The following STARD13 variants were observed in gnomAD, a reference collection of about 807,000 sequenced individuals.
STARD13 encodes the protein StAR related lipid transfer domain containing 13.
STARD13 carries 62 observed loss-of-function variants against 106.4 expected under a neutral mutation model. The observed-to-expected ratio is 0.58, with a 90% CI of 0.48 to 0.72. STARD13 has a LOEUF of 0.72. Ranked by LOEUF, STARD13 falls within the 30% of genes least tolerant of loss-of-function variation. The probability of loss-of-function intolerance (pLI) is 0.00; values close to 1 mark genes in which losing one functional copy is unlikely to be tolerated. For synonymous variants in STARD13, 565 were observed against 553.0 expected, an observed-to-expected ratio of 1.02 and a Z score of -0.31; for missense variants, 1,387 against 1,424.0, an observed-to-expected ratio of 0.97 and a Z score of 0.42.
chr13:33,639,482 G>T, the STARD13 span, among the ~76,000 whole-genome samples: 4 of 152,172 alleles, frequency 2.6e-5, no homozygotes, highest in Admixed American at 2.6e-4. Context: ...AAATAGATAT[G>T]TAAGTCACTG....
intron 1 of STARD13, among the ~76,000 whole-genome samples, chr13:33,216,199 C>A (rs1594118690): frequency 6.6e-6 from 1 of 152,152 alleles, no homozygotes; most frequent in South Asian, 2.1e-4. Flanking sequence ...TTTGACCCAG[C>A]AATCTCACTA....
chr13:33,497,235 C>T, the STARD13 span, among the ~76,000 whole-genome samples: 11 of 152,186 alleles, frequency 7.2e-5, no homozygotes, highest in East Asian at 1.4e-3. Context: ...ATGTTGTTGA[C>T]GTTATGTGCT....
At chr13:33,492,114 T>C in the STARD13 span, among the ~76,000 whole-genome samples, 1 of 152,114 alleles carries the variant, frequency 6.6e-6, no homozygotes, top group East Asian at 1.9e-4. Flanking sequence ...GGAGAAGGAA[T>C]TTCACAAGGT....
Position 33,129,222 on chromosome 13 carries a change from G to A in STARD13, c.1455C>T (p.His485=), listed in dbSNP as rs547046219. Reference sequence around the variant, plus strand: ...TGACATGCTGCAGAATGTCATCCAAGTGAGGGAAAAGGTCATCTTTCTCCA... The same window carrying A: ...TGACATGCTGCAGAATGTCATCCAAATGAGGGAAAAGGTCATCTTTCTCCA... ...LDLEKDDLFP[H]LDDILQHVNG... Residue 485 remains histidine (H), a synonymous_variant, in exon 5 of 14, where the codon CAC becomes CAT. Coordinates refer to ENST00000336934, the MANE Select transcript of STARD13 (RefSeq NM_178006.4). 4 of 1,614,168 alleles carry A rather than the reference G, an allele frequency of 2.5e-6. No individual in the cohort carries two copies. In the South Asian group the frequency reaches 3.3e-5, roughly 13 times the overall value.
intron 4 of STARD13, among the ~76,000 whole-genome samples, chr13:33,131,175 A>G (rs1039992729): frequency 6.6e-6 from 1 of 152,198 alleles, no homozygotes; most frequent in Non-Finnish European, 1.5e-5. Flanking sequence ...GCAGACCTTG[A>G]CCTAGAGCAT....
the STARD13 span, among the ~76,000 whole-genome samples, chr13:33,623,711 A>C: frequency 0.026 from 3,960 of 152,230 alleles, 180 homozygotes; most frequent in African/African-American, 0.09. Context: ...CTACATCTAC[A>C]TATTTAATTT....
intron 1 of STARD13, among the ~76,000 whole-genome samples, chr13:33,187,688 ATTTAT>A (rs2138487126): frequency 6.6e-6 from 1 of 152,126 alleles, no homozygotes; most frequent in Non-Finnish European, 1.5e-5. Context: ...AAATTTATTT[ATTTAT>A]TTTGTTTGTG....
At chr13:33,236,000 A>G (rs1889169910) in intron 1 of STARD13, among the ~76,000 whole-genome samples, 1 of 152,242 alleles carries the variant, frequency 6.6e-6, no homozygotes, top group Non-Finnish European at 1.5e-5. Context: ...CACCCCCCAA[A>G]TCAGTTTACA....
intron 1 of STARD13, among the ~76,000 whole-genome samples, chr13:33,258,972 T>C (rs946564572): frequency 1.3e-5 from 2 of 152,248 alleles, no homozygotes; most frequent in African/African-American, 4.8e-5. Flanking sequence ...GGCTGTCTCT[T>C]TCAAAAGTCA....
At chr13:33,497,499 T>C in the STARD13 span, among the ~76,000 whole-genome samples, 1 of 152,138 alleles carries the variant, frequency 6.6e-6, no homozygotes, top group Admixed American at 6.6e-5. Context: ...CAGGTGGTAG[T>C]ATGAGCCTTT....
At chr13:33,134,664 A>G (rs1185274527) in intron 4 of STARD13, among the ~76,000 whole-genome samples, 5 of 152,246 alleles carry the variant, frequency 3.3e-5, no homozygotes, top group South Asian at 2.1e-4. Context: ...AAATGGGACT[A>G]TATGTGAAAA....
the STARD13 span, among the ~76,000 whole-genome samples, chr13:33,590,748 C>T: frequency 1.5e-3 from 222 of 151,030 alleles, 1 homozygote; most frequent in Non-Finnish European, 2.8e-3. Flanking sequence ...GGAGATATAC[C>T]TAATGTAAAT....
chr13:33,110,025 CA>C lies in STARD13; in HGVS notation c.2894del (p.Val965GlyfsTer3). The C allele has an allele frequency of 6.2e-7, 1 of 1,614,226 alleles. No individual in the cohort carries two copies. The highest frequency in any genetic ancestry group is 8.5e-7 in the Non-Finnish European group (1 of 1,180,046). On this transcript the variant is annotated frameshift_variant, in exon 12 of 14. Transcript: ENST00000336934. LOFTEE classifies it high-confidence loss of function. ...GCTCTCTCAGCACGCGGTTCAGGAC[CA>C]CTGAGGGGGGTGCTTCCACCTCCAC... is the stretch of plus-strand genomic sequence containing the variant. ...ASVEVEAPPS[V>X]VLNRVLRERH...
chr13:33,499,573 C>T, the STARD13 span, among the ~76,000 whole-genome samples: 1 of 67,806 alleles, frequency 1.5e-5, no homozygotes, highest in Admixed American at 1.7e-4. Context: ...TCTTCTTCTT[C>T]TTCTTCTTCT....
At chr13:33,121,669 CTTTT>C (rs398022242) in intron 7 of STARD13, among the ~76,000 whole-genome samples, 5 of 110,454 alleles carry the variant, frequency 4.5e-5, no homozygotes, top group Admixed American at 1.1e-4. Flanking sequence ...GTTGTTCATC[CTTTT>C]TTTTTTTTTT....
At chr13:33,621,680 C>CAAAAA in the STARD13 span, among the ~76,000 whole-genome samples, 1 of 82,328 alleles carries the variant, frequency 1.2e-5, no homozygotes, top group African/African-American at 4.8e-5. Flanking sequence ...ACTCAGTCTC[C>CAAAAA]AAAAAAAAAA....
chr13:33,325,184 C>T (rs575129129), intron 1 of STARD13, among the ~76,000 whole-genome samples: 3 of 152,146 alleles, frequency 2.0e-5, no homozygotes, highest in African/African-American at 4.8e-5. Flanking sequence ...ACTGGCACAA[C>T]GGTGTTTTTA....
chr13:33,448,817 A>C, the STARD13 span, among the ~76,000 whole-genome samples: 4 of 152,084 alleles, frequency 2.6e-5, no homozygotes, highest in Non-Finnish European at 5.9e-5. Context: ...ATGAAGTGAT[A>C]TCTATTTGCA....
the STARD13 span, among the ~76,000 whole-genome samples, chr13:33,546,185 CTAT>C: frequency 1.3e-5 from 2 of 152,020 alleles, no homozygotes; most frequent in Middle Eastern, 3.2e-3. Flanking sequence ...AAAATAATTC[CTAT>C]TATTATGTGG....
Sources: gnomAD v4.1 joint callset for allele counts (sites outside exome capture counted in the v4.1 genomes callset) on GRCh38, gnomAD v4.1.1 for gene constraint, MANE v1.5 for transcripts, NCBI Gene and HGNC (gene_info 2026-07-23, HGNC 2026-07-21) for gene names.